The following ANKRD31 variants were observed in gnomAD, a reference collection of about 807,000 sequenced individuals.
ANKRD31 encodes ankyrin repeat domain 31, also known as ankyrin repeat domain-containing protein 31.
A neutral mutation model predicts 186.0 loss-of-function variants in ANKRD31; 147 were observed. The observed-to-expected ratio is 0.79, with a 90% CI of 0.69 to 0.91. The LOEUF (loss-of-function observed/expected upper bound fraction) is 0.91. Among genes scored for constraint, ANKRD31 ranks in the 40% least tolerant of loss-of-function variants. The probability of loss-of-function intolerance (pLI) is 0.00; values close to 1 mark genes in which losing one functional copy is unlikely to be tolerated. For synonymous variants in ANKRD31, 673 were observed against 736.4 expected (o/e 0.91, Z 1.39); for missense variants, 1,986 against 2,148.8 (o/e 0.92, Z 1.50).
chr5:75,229,876 A>C lies in ANKRD31; in HGVS notation c.178+686T>G, dbSNP rs866298430. 3.6e-3 allele frequency among the ~76,000 whole-genome samples: 479 copies of C among 134,820 alleles called. 6 individuals carry two copies. The highest frequency in any genetic ancestry group is 0.014 in the African/African-American group (457 of 32,044). 88.4% of individuals were successfully genotyped at this position (134,820 alleles called of 152,430 possible). A position where few individuals can be genotyped will look rare whatever the true frequency, so the allele number is the denominator to read the frequency against. On this transcript the variant is annotated intron_variant, in intron 2 of 25. Coordinates refer to ENST00000506364, the MANE Select transcript of ANKRD31 (RefSeq NM_001372053.1). ...TGAGACTCTGTCTCAAAAAAAAAAA[A>C]AAAAAAAAAAACAAAAAAAACATCA...
chr5:75,177,159 G>A (rs1270216860), intron 10 of ANKRD31, among the ~76,000 whole-genome samples: 3 of 152,148 alleles, frequency 2.0e-5, no homozygotes, highest in Non-Finnish European at 2.9e-5. Context: ...TGAATGAAAT[G>A]AAGTGTGAAG....
At chr5:75,220,132 T>C (rs754282975) in intron 3 of ANKRD31, among the ~76,000 whole-genome samples, 3 of 151,976 alleles carry the variant, frequency 2.0e-5, no homozygotes, top group Non-Finnish European at 4.4e-5. Flanking sequence ...AAACAAAAAC[T>C]GACAAATGGG....
chr5:75,227,540 T>C lies in ANKRD31; in HGVS notation c.178+3022A>G, dbSNP rs568802148. ...ACCCCATAAATATATACACCTACTA[T>C]GTACCCACAAATTTAAAAATTAAAA... On this transcript the variant is annotated intron_variant, in intron 2 of 25. Transcript: ENST00000506364. 9.4e-4 allele frequency among the ~76,000 whole-genome samples: 143 copies of C among 152,228 alleles called. 1 individual carries two copies. Among genetic ancestry groups the C allele is most frequent in the Non-Finnish European group, 1.2e-3 (81 of 68,014 alleles).
At chr5:75,233,067 C>T (rs1036913966) in intron 1 of ANKRD31, among the ~76,000 whole-genome samples, 47 of 146,232 alleles carry the variant, frequency 3.2e-4, no homozygotes, top group East Asian at 1.2e-3. Flanking sequence ...TTTTCTTTTC[C>T]TTTTTTTTTT....
chr5:75,205,125 C>A (rs1756087676), intron 5 of ANKRD31, among the ~76,000 whole-genome samples: 1 of 152,214 alleles, frequency 6.6e-6, no homozygotes, highest in Non-Finnish European at 1.5e-5. Context: ...CTCAGCCTCC[C>A]AAAGTGCTGG....
At chr5:75,072,684 A>G (rs1045456420) in intron 25 of ANKRD31, among the ~76,000 whole-genome samples, 9 of 152,216 alleles carry the variant, frequency 5.9e-5, no homozygotes, top group African/African-American at 2.2e-4. Context: ...AAAGACCACT[A>G]AGTCTACCTT....
chr5:75,137,417 CA>C (rs1248564408), intron 17 of ANKRD31, among the ~76,000 whole-genome samples: 4 of 151,956 alleles, frequency 2.6e-5, no homozygotes, highest in Non-Finnish European at 5.9e-5. Flanking sequence ...TAAAGAAAAA[CA>C]AAAGAGAAAA....
intron 3 of ANKRD31, among the ~76,000 whole-genome samples, chr5:75,216,091 TAA>T (rs1756943270): frequency 6.6e-6 from 1 of 152,160 alleles, no homozygotes; most frequent in Admixed American, 6.6e-5. Flanking sequence ...GAAAGTTTTT[TAA>T]AAAGAACCAA....
At chr5:75,121,957 A>G (rs1040473450) in intron 17 of ANKRD31, among the ~76,000 whole-genome samples, 1 of 152,132 alleles carries the variant, frequency 6.6e-6, no homozygotes, top group African/African-American at 2.4e-5. Flanking sequence ...AATAACAAAG[A>G]TCAGAGTAGA....
chr5:75,148,726 G>T, intron 12 of ANKRD31, 98 bp from the exon 13 acceptor site: 1 of 759,876 alleles, frequency 1.3e-6, no homozygotes. Flanking sequence ...AAACCAAGTG[G>T]AATAAGTGAA....
At chr5:75,131,377 C>T (rs543448104) in intron 17 of ANKRD31, among the ~76,000 whole-genome samples, 2 of 152,156 alleles carry the variant, frequency 1.3e-5, no homozygotes, top group East Asian at 1.9e-4. Context: ...GTGCATGGGT[C>T]AGAGGGTCCC....
In ANKRD31 at chr5:75,105,176, T is replaced by C. The variant is rs1474225285; in HGVS notation, c.4383A>G (p.Gln1461=). ...ESFKHGALRE[Q]LANLAARQKS... ...TCTGTCTTGCAGCCAAGTTGGCCAA[T>C]TGTTCTCTCAGGGCTCCATGCTTAA... Residue 1461 remains glutamine, a synonymous_variant, in exon 22 of 26, where the codon CAA becomes CAG. Coordinates refer to ENST00000506364, the MANE Select transcript of ANKRD31 (RefSeq NM_001372053.1). The C allele has an allele frequency of 2.0e-6, 3 of 1,535,250 alleles. No individual in the cohort carries two copies. The South Asian group carries it at 3.6e-5, about 18-fold the overall frequency.
intron 23 of ANKRD31, among the ~76,000 whole-genome samples, chr5:75,087,696 G>T (rs535287625): frequency 7.2e-6 from 1 of 139,300 alleles, no homozygotes; most frequent in Non-Finnish European, 1.5e-5. Flanking sequence ...AAAACTGTAG[G>T]TTTTCTTTTA....
chr5:75,169,616 A>G (rs1753174217), intron 10 of ANKRD31, among the ~76,000 whole-genome samples: 1 of 152,230 alleles, frequency 6.6e-6, no homozygotes, highest in South Asian at 2.1e-4. Context: ...AACTGCTCCA[A>G]GAAAACCAGT....
In ANKRD31 at chr5:75,077,260, C is replaced by T. The variant is rs142133250; in HGVS notation, c.5647+3308G>A. ...ATTTTTCCATTTTTAAAATAGAGACCGGGTCTCACTTTGTTGTCCAGGCTG... is the reference window on the plus strand; with the variant it reads ...ATTTTTCCATTTTTAAAATAGAGACTGGGTCTCACTTTGTTGTCCAGGCTG... On this transcript the variant is annotated intron_variant, in intron 25 of 25. Coordinates refer to ENST00000506364, the MANE Select transcript of ANKRD31 (RefSeq NM_001372053.1). Among the ~76,000 whole-genome samples, 250 of 152,098 alleles carry T rather than the reference C, an allele frequency of 1.6e-3. 3 individuals carry two copies. Among genetic ancestry groups the T allele is most frequent in the Middle Eastern group, 0.01 (3 of 294 alleles).
chr5:75,156,153 C>T (rs1752155786), intron 11 of ANKRD31, among the ~76,000 whole-genome samples: 1 of 152,164 alleles, frequency 6.6e-6, no homozygotes, highest in Non-Finnish European at 1.5e-5. Flanking sequence ...GATCCACTCA[C>T]CTCGGCCTCC....
intron 24 of ANKRD31, among the ~76,000 whole-genome samples, chr5:75,083,635 C>T (rs563183109): frequency 4.7e-4 from 72 of 152,026 alleles, no homozygotes; most frequent in South Asian, 3.9e-3. Flanking sequence ...GAGGCTGAGG[C>T]AGAAGAATCA....
intron 10 of ANKRD31, among the ~76,000 whole-genome samples, chr5:75,170,541 T>C (rs1464654025): frequency 2.0e-5 from 3 of 152,170 alleles, no homozygotes; most frequent in Non-Finnish European, 4.4e-5. Flanking sequence ...AGGTTGTACA[T>C]GTGCAGATTT....
At chr5:75,145,905 T>G in intron 14 of ANKRD31, 82 bp downstream of exon 14, 4 of 1,235,576 alleles carry the variant, frequency 3.2e-6, no homozygotes, top group Non-Finnish European at 4.3e-6. Context: ...GGCCATCGTT[T>G]GAATACAATT....
Sources: allele counts gnomAD v4.1 joint callset (sites outside exome capture counted in the v4.1 genomes callset), GRCh38; gene constraint gnomAD v4.1.1; transcripts MANE v1.5; gene names NCBI Gene and HGNC (gene_info 2026-07-23, HGNC 2026-07-21).